C1QTNF3: variants seen among roughly 807,000 people sequenced by gnomAD.
The protein encoded by C1QTNF3 is complement C1q tumor necrosis factor-related protein 3.
In C1QTNF3, 26 loss-of-function variants were observed where a neutral mutation model predicts 32.6. That is an observed-to-expected ratio of 0.80 (90% confidence interval 0.58 to 1.11). The LOEUF (loss-of-function observed/expected upper bound fraction) is 1.11, where lower values mean the gene tolerates loss of function less well. Ranked by LOEUF, C1QTNF3 falls within the 50% of genes least tolerant of loss-of-function variation. The pLI is 0.00. For missense variants in C1QTNF3, 362 were observed against 398.2 expected (o/e 0.91, Z 0.77); for synonymous variants, 155 against 146.0 (o/e 1.06, Z -0.44).
At chr5:34,130,694 C>T in the C1QTNF3 span, among the ~76,000 whole-genome samples, 1 of 152,368 alleles carries the variant, frequency 6.6e-6, no homozygotes, top group East Asian at 1.9e-4. Context: ...ATACAGAGTG[C>T]ACAACTAGAG....
the C1QTNF3 span, among the ~76,000 whole-genome samples, chr5:34,048,778 T>C: frequency 6.6e-6 from 1 of 151,820 alleles, no homozygotes; most frequent in African/African-American, 2.4e-5. Context: ...AGAAAAGTTA[T>C]TTGCAGAATC....
the C1QTNF3 span, among the ~76,000 whole-genome samples, chr5:34,063,036 C>T: frequency 2.0e-5 from 3 of 152,012 alleles, no homozygotes; most frequent in Non-Finnish European, 4.4e-5. Flanking sequence ...AGGAAGGCTA[C>T]GGGTTGTCGG....
the C1QTNF3 span, among the ~76,000 whole-genome samples, chr5:34,089,600 T>C: frequency 6.6e-6 from 1 of 152,148 alleles, no homozygotes; most frequent in African/African-American, 2.4e-5. Flanking sequence ...TCCAAAACCG[T>C]GAGAAAGAAA....
the C1QTNF3 span, among the ~76,000 whole-genome samples, chr5:34,228,709 AG>A: frequency 6.6e-6 from 1 of 152,070 alleles, no homozygotes; most frequent in Non-Finnish European, 1.5e-5. Context: ...CCACATAAAA[AG>A]ATCCATTGTT....
At chr5:34,195,886 T>TGAG in the C1QTNF3 span, among the ~76,000 whole-genome samples, 1 of 151,560 alleles carries the variant, frequency 6.6e-6, no homozygotes, top group Non-Finnish European at 1.5e-5. Flanking sequence ...ACCCCCAAGG[T>TGAG]GAGGATACTG....
At chr5:34,069,579 G>T in the C1QTNF3 span, among the ~76,000 whole-genome samples, 4 of 152,228 alleles carry the variant, frequency 2.6e-5, no homozygotes, top group Admixed American at 2.6e-4. Context: ...CTCATATTTT[G>T]TTAAGTAATA....
At chr5:34,173,335 AT>A in the C1QTNF3 span, among the ~76,000 whole-genome samples, 1 of 151,248 alleles carries the variant, frequency 6.6e-6, no homozygotes, top group Non-Finnish European at 1.5e-5. Flanking sequence ...GGGATGTATA[AT>A]ATTAGTAATA....
the C1QTNF3 span, among the ~76,000 whole-genome samples, chr5:34,172,048 T>G: frequency 6.6e-6 from 1 of 152,172 alleles, no homozygotes; most frequent in Admixed American, 6.6e-5. Flanking sequence ...TCAAAGCCCA[T>G]GCATGACATT....
At chr5:34,232,275 G>C in the C1QTNF3 span, among the ~76,000 whole-genome samples, 3 of 152,164 alleles carry the variant, frequency 2.0e-5, no homozygotes, top group Non-Finnish European at 4.4e-5. Context: ...ATAGGCAGAA[G>C]GGATTTGCCT....
chr5:34,082,329 T>A, the C1QTNF3 span, among the ~76,000 whole-genome samples: 1 of 151,370 alleles, frequency 6.6e-6, no homozygotes, highest in East Asian at 1.9e-4. Flanking sequence ...GAAATGAGAA[T>A]GTTGTGTGTC....
chr5:34,126,545 T>A, the C1QTNF3 span, among the ~76,000 whole-genome samples: 2 of 137,492 alleles, frequency 1.5e-5, no homozygotes, highest in East Asian at 2.0e-4. Flanking sequence ...GGAGGTTCCT[T>A]AAGAAGCTAA....
chr5:34,113,351 A>G, the C1QTNF3 span, among the ~76,000 whole-genome samples: 1 of 151,134 alleles, frequency 6.6e-6, no homozygotes, highest in African/African-American at 2.4e-5. Flanking sequence ...GTGAACAAGC[A>G]TATCAAAATG....
the C1QTNF3 span, among the ~76,000 whole-genome samples, chr5:34,157,164 T>C: frequency 1.3e-5 from 2 of 152,324 alleles, no homozygotes; most frequent in East Asian, 1.9e-4. Context: ...TGTTTTCAAT[T>C]ACTGAAACAT....
chr5:34,048,261 A>AGT, the C1QTNF3 span, among the ~76,000 whole-genome samples: 3 of 136,504 alleles, frequency 2.2e-5, no homozygotes, highest in African/African-American at 9.7e-5. Flanking sequence ...TAAGCATGGT[A>AGT]GTGTGTGTGT....
the C1QTNF3 span, among the ~76,000 whole-genome samples, chr5:34,054,555 T>C: frequency 6.6e-6 from 1 of 152,284 alleles, no homozygotes; most frequent in East Asian, 1.9e-4. Context: ...TAAAAACAAA[T>C]GGCAGCCCAC....
At chr5:34,145,678 CAAA>C in the C1QTNF3 span, among the ~76,000 whole-genome samples, 11 of 96,888 alleles carry the variant, frequency 1.1e-4, no homozygotes, top group Non-Finnish European at 1.6e-4. Flanking sequence ...AGAGACACAG[CAAA>C]AAAAAAAAAA....
chr5:34,232,868 G>A, the C1QTNF3 span, among the ~76,000 whole-genome samples: 1 of 151,190 alleles, frequency 6.6e-6, no homozygotes, highest in African/African-American at 2.4e-5. Flanking sequence ...TTAATAATCG[G>A]ACTGCTTATA....
chr5:34,138,868 G>A, the C1QTNF3 span, among the ~76,000 whole-genome samples: 1,536 of 152,080 alleles, frequency 0.01, 28 homozygotes, highest in African/African-American at 0.036. Flanking sequence ...CACAACACAC[G>A]CATCATACCT....
the C1QTNF3 span, among the ~76,000 whole-genome samples, chr5:34,230,177 G>T: frequency 5.9e-5 from 9 of 152,282 alleles, no homozygotes; most frequent in African/African-American, 2.2e-4. Flanking sequence ...CCAAGACAGG[G>T]AACATGCATC....
Sources: gnomAD v4.1 joint callset for allele counts (sites outside exome capture counted in the v4.1 genomes callset) on GRCh38, gnomAD v4.1.1 for gene constraint, MANE v1.5 for transcripts, NCBI Gene and HGNC (gene_info 2026-07-23, HGNC 2026-07-21) for gene names.